MARCHF3: variants seen among roughly 807,000 people sequenced by gnomAD.
The protein encoded by MARCHF3 is membrane associated ring-CH-type finger 3.
MARCHF3 carries 13 observed loss-of-function variants against 24.2 expected under a neutral mutation model. The ratio of observed to expected loss-of-function variants is 0.54; its 90% CI spans 0.35 to 0.85. MARCHF3 has a LOEUF of 0.85. Ranked by LOEUF, MARCHF3 falls within the 40% of genes least tolerant of loss-of-function variation. The pLI is 0.01. For synonymous variants in MARCHF3, 144 were observed against 137.3 expected (o/e 1.05, Z -0.34); for missense variants, 276 against 325.0 (o/e 0.85, Z 1.16).
At chr5:126,893,888 G>T (rs1753781203) in intron 3 of MARCHF3, among the ~76,000 whole-genome samples, 1 of 72,580 alleles carries the variant, frequency 1.4e-5, no homozygotes, top group Non-Finnish European at 2.6e-5. Flanking sequence ...TTGACAGTGG[G>T]GTGTTAAAGT....
At chr5:126,872,918 G>A (rs951150592) in intron 4 of MARCHF3, among the ~76,000 whole-genome samples, 4 of 151,954 alleles carry the variant, frequency 2.6e-5, no homozygotes, top group Admixed American at 6.6e-5. Context: ...TGCCACTCAC[G>A]AATGTAGGAG....
chr5:127,005,433 G>C (rs1752279000), intron 1 of MARCHF3, among the ~76,000 whole-genome samples: 1 of 152,044 alleles, frequency 6.6e-6, no homozygotes, highest in African/African-American at 2.4e-5. Context: ...AACACACCCA[G>C]CCAGGAAGTT....
At chr5:126,913,919 C>T (rs896803680) in intron 3 of MARCHF3, among the ~76,000 whole-genome samples, 1 of 151,938 alleles carries the variant, frequency 6.6e-6, no homozygotes, top group Non-Finnish European at 1.5e-5. Flanking sequence ...GTTTTGGCTC[C>T]CTTCAGCTAG....
chr5:126,978,857 A>G (rs1382993698), intron 1 of MARCHF3, among the ~76,000 whole-genome samples: 3 of 152,150 alleles, frequency 2.0e-5, no homozygotes, highest in African/African-American at 7.2e-5. Flanking sequence ...GGGCTCTCAG[A>G]TCCCTGGAAT....
At chr5:126,914,198 T>C (rs559606898) in intron 3 of MARCHF3, among the ~76,000 whole-genome samples, 4 of 152,020 alleles carry the variant, frequency 2.6e-5, no homozygotes, top group Admixed American at 1.3e-4. Context: ...TTAGCCAGGA[T>C]GGTCTTGATC....
intron 1 of MARCHF3, among the ~76,000 whole-genome samples, chr5:127,024,874 T>C (rs755508997): frequency 2.0e-5 from 3 of 152,216 alleles, no homozygotes; most frequent in Non-Finnish European, 2.9e-5. Context: ...TTTTGCTCAC[T>C]TGAAATATGT....
Position 127,022,533 on chromosome 5 carries a change from G to T in MARCHF3, c.-57+7817C>A, listed in dbSNP as rs559566994. On this transcript the variant is annotated intron_variant, in intron 1 of 4. Transcript: ENST00000308660. ...GATTTAATAGTTAGGACACTGAAAAGAAGATATGGGAAAATGCCAAAGCAA... is the reference window on the plus strand; with the variant it reads ...GATTTAATAGTTAGGACACTGAAAATAAGATATGGGAAAATGCCAAAGCAA... Among the ~76,000 whole-genome samples, 23 of 152,304 alleles carry T rather than the reference G, an allele frequency of 1.5e-4. 1 individual carries two copies. In the South Asian group the frequency reaches 4.3e-3, roughly 29 times the overall value.
intron 1 of MARCHF3, among the ~76,000 whole-genome samples, chr5:126,956,656 A>AC (rs1282181950): frequency 7.1e-6 from 1 of 140,494 alleles, no homozygotes; most frequent in African/African-American, 2.5e-5. Flanking sequence ...AAAAAAAAAA[A>AC]AAAAAAAAAA....
At chr5:126,962,847 G>GTGTA (rs1483388637) in intron 1 of MARCHF3, among the ~76,000 whole-genome samples, 3 of 151,504 alleles carry the variant, frequency 2.0e-5, no homozygotes, top group Non-Finnish European at 4.4e-5. Flanking sequence ...GTGTGTGTGT[G>GTGTA]TGTGTGTGTG....
At chr5:127,012,773 T>A (rs755728409) in intron 1 of MARCHF3, among the ~76,000 whole-genome samples, 2 of 152,346 alleles carry the variant, frequency 1.3e-5, no homozygotes, top group East Asian at 1.9e-4. Context: ...AAAGTAAAAT[T>A]GTCATTCATA....
chr5:126,971,448 C>CAAAAAA (rs60881844), intron 1 of MARCHF3, among the ~76,000 whole-genome samples: 4 of 89,734 alleles, frequency 4.5e-5, no homozygotes, highest in Non-Finnish European at 9.0e-5. Context: ...GACTCTGTCT[C>CAAAAAA]AAAAAAAAAA....
intron 1 of MARCHF3, among the ~76,000 whole-genome samples, chr5:126,991,275 A>G (rs990125745): frequency 1.3e-5 from 2 of 152,186 alleles, no homozygotes; most frequent in Non-Finnish European, 2.9e-5. Context: ...GGAAACCATC[A>G]TTCTCAGCAA....
chr5:126,957,667 T>G (rs1750495003), intron 1 of MARCHF3, among the ~76,000 whole-genome samples: 1 of 152,172 alleles, frequency 6.6e-6, no homozygotes, highest in Non-Finnish European at 1.5e-5. Context: ...GCTTCATTAA[T>G]CTATTTTTGT....
intron 3 of MARCHF3, among the ~76,000 whole-genome samples, chr5:126,909,445 C>G (rs193140115): frequency 9.6e-4 from 147 of 152,358 alleles, no homozygotes; most frequent in Non-Finnish European, 1.7e-3. Flanking sequence ...AGTTTGATCT[C>G]AGACTGCTGT....
intron 3 of MARCHF3, among the ~76,000 whole-genome samples, chr5:126,913,954 AT>A (rs1754625384): frequency 8.3e-6 from 1 of 121,186 alleles, no homozygotes; most frequent in Non-Finnish European, 1.8e-5. Context: ...ATATTAAAAT[AT>A]TTACTGTTGC....
chr5:126,913,916 C>T (rs1361526157), intron 3 of MARCHF3, among the ~76,000 whole-genome samples: 1 of 151,656 alleles, frequency 6.6e-6, no homozygotes, highest in Non-Finnish European at 1.5e-5. Context: ...AATGTTTTGG[C>T]TCCCTTCAGC....
chr5:126,948,892 C>G (rs1208111482), intron 1 of MARCHF3, among the ~76,000 whole-genome samples: 2 of 152,132 alleles, frequency 1.3e-5, no homozygotes, highest in East Asian at 3.9e-4. Flanking sequence ...GGATAGGTAG[C>G]ATTTGTCCCC....
chr5:126,985,436 T>TA (rs905007909), intron 1 of MARCHF3, among the ~76,000 whole-genome samples: 2 of 151,342 alleles, frequency 1.3e-5, no homozygotes, highest in Non-Finnish European at 2.9e-5. Context: ...AAATACTAGA[T>TA]AAAAAAATAC....
At chr5:126,889,694 C>A (rs1170749528) in intron 3 of MARCHF3, among the ~76,000 whole-genome samples, 1 of 152,066 alleles carries the variant, frequency 6.6e-6, no homozygotes, top group Non-Finnish European at 1.5e-5. Context: ...CTAAAAGGGC[C>A]CCACATATTT....
Sources: allele counts gnomAD v4.1 joint callset (sites outside exome capture counted in the v4.1 genomes callset), GRCh38; gene constraint gnomAD v4.1.1; transcripts MANE v1.5; gene names NCBI Gene and HGNC (gene_info 2026-07-23, HGNC 2026-07-21).